Variants in SLC9A9 observed in about 807,000 individuals in gnomAD.
SLC9A9 encodes the protein sodium/hydrogen exchanger 9.
SLC9A9 carries 62 observed loss-of-function variants against 77.8 expected under a neutral mutation model. The observed-to-expected ratio is 0.80, with a 90% CI of 0.65 to 0.98. SLC9A9 has a LOEUF of 0.98. SLC9A9 is among the 50% of genes least tolerant of loss of function. SLC9A9 has a pLI of 0.00. For synonymous variants in SLC9A9, 320 were observed against 283.5 expected, an observed-to-expected ratio of 1.13 and a Z score of -1.29; for missense variants, 775 against 774.9, an observed-to-expected ratio of 1.00 and a Z score of 0.00.
intron 13 of SLC9A9, among the ~76,000 whole-genome samples, chr3:143,379,187 G>A (rs1241681720): frequency 6.6e-6 from 1 of 152,112 alleles, no homozygotes; most frequent in Non-Finnish European, 1.5e-5. Flanking sequence ...ATTTGTTAAT[G>A]CAAACCCAGT....
At chr3:143,342,841 T>C (rs1177554468) in intron 14 of SLC9A9, among the ~76,000 whole-genome samples, 1 of 152,226 alleles carries the variant, frequency 6.6e-6, no homozygotes. Flanking sequence ...TGCATGTGCA[T>C]GCAAATATAC....
chr3:143,493,615 A>G, intron 11 of SLC9A9, 38 bp downstream of exon 11: 1 of 1,567,884 alleles, frequency 6.4e-7, no homozygotes, highest in East Asian at 2.2e-5. Flanking sequence ...AAATTGTGAG[A>G]AAACCAGCAG....
intron 4 of SLC9A9, among the ~76,000 whole-genome samples, chr3:143,726,216 C>G (rs1042790239): frequency 6.6e-5 from 1 of 15,080 alleles, no homozygotes; most frequent in African/African-American, 1.4e-4. Flanking sequence ...GCACATGCAC[C>G]CCTGAACTTA....
At chr3:143,491,153 T>G (rs1305505700) in intron 11 of SLC9A9, among the ~76,000 whole-genome samples, 1 of 152,130 alleles carries the variant, frequency 6.6e-6, no homozygotes. Context: ...TGGAAAACAC[T>G]GGGTCGCATT....
intron 14 of SLC9A9, among the ~76,000 whole-genome samples, chr3:143,318,019 G>A (rs998005718): frequency 2.0e-5 from 3 of 152,182 alleles, no homozygotes; most frequent in African/African-American, 7.2e-5. Flanking sequence ...GAGCCACCGT[G>A]CCCGGCCTCA....
intron 11 of SLC9A9, among the ~76,000 whole-genome samples, chr3:143,487,905 A>G (rs998581520): frequency 1.3e-5 from 2 of 151,740 alleles, no homozygotes; most frequent in South Asian, 4.1e-4. Flanking sequence ...AGAGATAAAT[A>G]GAATAGAGAA....
chr3:143,357,741 T>C (rs2032632738), intron 14 of SLC9A9, among the ~76,000 whole-genome samples: 1 of 152,140 alleles, frequency 6.6e-6, no homozygotes, highest in South Asian at 2.1e-4. Flanking sequence ...TTGGGCTCAG[T>C]TGCCTCATTT....
Position 143,522,177 on chromosome 3 carries a change from G to A in SLC9A9, c.1090-26729C>T, listed in dbSNP as rs73146771. Among the ~76,000 whole-genome samples the A allele has an allele frequency of 5.9e-3, 898 of 152,122 alleles. 3 individuals carry two copies. The highest frequency in any genetic ancestry group is 9.6e-3 in the Non-Finnish European group (656 of 67,982). On this transcript the variant is annotated intron_variant, in intron 9 of 15. Transcript: ENST00000316549. ...CAAACTTGAGGTTTAAATTTCTTAG[G>A]AATACATCTTTCTCCATCTAAAACA...
At chr3:143,798,440 A>C (rs2008452450) in intron 2 of SLC9A9, among the ~76,000 whole-genome samples, 1 of 152,098 alleles carries the variant, frequency 6.6e-6, no homozygotes, top group Non-Finnish European at 1.5e-5. Context: ...TTGGCTGCCC[A>C]GAGCTGCTCC....
chr3:143,349,820 C>T (rs2032400072), intron 14 of SLC9A9, among the ~76,000 whole-genome samples: 1 of 152,122 alleles, frequency 6.6e-6, no homozygotes, highest in African/African-American at 2.4e-5. Context: ...TGAATTAGCA[C>T]AAAATACTAA....
chr3:143,831,881 T>C lies in SLC9A9; in HGVS notation c.378+138A>G, dbSNP rs1355186390. 9 of 769,250 alleles carry C rather than the reference T, an allele frequency of 1.2e-5. No individual in the cohort carries two copies. The African/African-American group carries it at 1.2e-4, about 11-fold the overall frequency. The allele number at this position is 769,250 out of a possible 1,614,324, so 47.7% of individuals were successfully genotyped here. On this transcript the variant is annotated intron_variant, in intron 2 of 15. Transcript: ENST00000316549. ...ACTCAGGGTTTGACTCCTTAGTCAA[T>C]TAACGTCTCCAAAAGAGTGGTGTTA...
intron 5 of SLC9A9, among the ~76,000 whole-genome samples, chr3:143,674,495 G>T (rs922159673): frequency 1.3e-5 from 2 of 152,176 alleles, no homozygotes; most frequent in Non-Finnish European, 2.9e-5. Context: ...CACGAGCAGT[G>T]CCAGCGCCCT....
chr3:143,816,268 G>A (rs4839662), intron 2 of SLC9A9, among the ~76,000 whole-genome samples: 132,496 of 152,164 alleles, frequency 0.87, 58,741 homozygotes, highest in Middle Eastern at 0.96. Flanking sequence ...CAGTGGTGTG[G>A]TCATAGCTCA....
chr3:143,835,773 C>T (rs2009552680), intron 1 of SLC9A9, among the ~76,000 whole-genome samples: 1 of 152,200 alleles, frequency 6.6e-6, no homozygotes, highest in Non-Finnish European at 1.5e-5. Context: ...TGTTGGTAAA[C>T]CATGAAACCA....
At chr3:143,662,749 G>T (rs1439777862) in intron 5 of SLC9A9, among the ~76,000 whole-genome samples, 2 of 152,074 alleles carry the variant, frequency 1.3e-5, no homozygotes, top group African/African-American at 4.8e-5. Context: ...CCAGGCTGGG[G>T]GAGGGGTGTC....
chr3:143,547,857 A>G (rs1372688522), intron 9 of SLC9A9, among the ~76,000 whole-genome samples: 1 of 152,190 alleles, frequency 6.6e-6, no homozygotes, highest in Non-Finnish European at 1.5e-5. Context: ...TGCACTATAT[A>G]CTTTGCTTAT....
intron 14 of SLC9A9, among the ~76,000 whole-genome samples, chr3:143,313,534 C>A (rs1251669708): frequency 6.6e-6 from 1 of 152,156 alleles, no homozygotes; most frequent in Non-Finnish European, 1.5e-5. Flanking sequence ...CTCCTGACAG[C>A]CTTTTTGGTC....
intron 14 of SLC9A9, among the ~76,000 whole-genome samples, chr3:143,350,141 C>T (rs2032408780): frequency 6.6e-6 from 1 of 152,154 alleles, no homozygotes; most frequent in Non-Finnish European, 1.5e-5. Flanking sequence ...GCTGGAACCC[C>T]ACAGTCACCT....
At chr3:143,760,269 C>A (rs533494724) in intron 4 of SLC9A9, among the ~76,000 whole-genome samples, 4 of 152,178 alleles carry the variant, frequency 2.6e-5, no homozygotes, top group Non-Finnish European at 4.4e-5. Context: ...GGAAGCATTC[C>A]CTTTGAAAAC....
Sources: allele counts gnomAD v4.1 joint callset (sites outside exome capture counted in the v4.1 genomes callset), GRCh38; gene constraint gnomAD v4.1.1; transcripts MANE v1.5; gene names NCBI Gene and HGNC (gene_info 2026-07-23, HGNC 2026-07-21).